The following UNC5A variants were observed in gnomAD, a reference collection of about 807,000 sequenced individuals.
The protein encoded by UNC5A is unc-5 netrin receptor A, also known as netrin receptor UNC5A.
Under a neutral mutation model 87.4 loss-of-function variants are expected in UNC5A, and 20 were observed. The ratio of observed to expected loss-of-function variants is 0.23; its 90% CI spans 0.16 to 0.33. The LOEUF (loss-of-function observed/expected upper bound fraction) is 0.33, where lower values mean the gene tolerates loss of function less well. Among genes scored for constraint, UNC5A ranks in the 10% least tolerant of loss-of-function variants. The probability of loss-of-function intolerance (pLI) is 1.00; values close to 1 mark genes in which losing one functional copy is unlikely to be tolerated. For synonymous variants in UNC5A, 438 were observed against 482.3 expected, an observed-to-expected ratio of 0.91 and a Z score of 1.20; for missense variants, 844 against 1,133.4, an observed-to-expected ratio of 0.74 and a Z score of 3.67.
chr5:176,841,422 G>A lies in UNC5A; in HGVS notation c.71-21202G>A, dbSNP rs557545053. Among the ~76,000 whole-genome samples the A allele has an allele frequency of 6.6e-6, 1 of 152,208 alleles. No individual in the cohort carries two copies. The highest frequency in any genetic ancestry group is 1.5e-5 in the Non-Finnish European group (1 of 68,034). Reference sequence around the variant, plus strand: ...TGAGATGCAGCATAGCAGGGGACTTGGGGCACAGACTGTGGAACCGGGCTG... The same window carrying A: ...TGAGATGCAGCATAGCAGGGGACTTAGGGCACAGACTGTGGAACCGGGCTG... On this transcript the variant is annotated intron_variant, in intron 1 of 14. Coordinates refer to ENST00000329542, the MANE Select transcript of UNC5A (RefSeq NM_133369.3). This position sits in a 1 kb window ranked among gnomAD's most constrained non-coding sequence, Gnocchi z 4.1.
rs557467977 is a variant in UNC5A, at chr5:176,879,908, A to G, written c.*22A>G. ...CTGAGGCCGGCCAGGCCCGACACCT[A>G]CACTCTCACCAGCTTTGGCACCCAC... On this transcript the variant is annotated 3_prime_UTR_variant, in exon 15 of 15. Coordinates refer to ENST00000329542, the MANE Select transcript of UNC5A (RefSeq NM_133369.3). 1 of 1,603,580 alleles carries G rather than the reference A, an allele frequency of 6.2e-7. No individual in the cohort carries two copies. The highest frequency in any genetic ancestry group is 1.3e-5 in the African/African-American group (1 of 74,846).
chr5:176,856,886 T>C (rs1757679977), intron 1 of UNC5A, among the ~76,000 whole-genome samples: 1 of 152,168 alleles, frequency 6.6e-6, no homozygotes, highest in South Asian at 2.1e-4. Flanking sequence ...TAAAGGCCCC[T>C]GGGGTCCAGC....
At chr5:176,868,405 G>C (rs1581273354) in intron 3 of UNC5A, 132 bp downstream of exon 3, 2 of 1,489,590 alleles carry the variant, frequency 1.3e-6, no homozygotes, top group Admixed American at 4.0e-5. Flanking sequence ...AGTGGATAAA[G>C]TGCCTGTGGA....
In UNC5A at chr5:176,868,192, C is replaced by T. The variant is rs571689500; in HGVS notation, c.355C>T (p.Leu119=). The change falls in exon 3 of 15, where the codon CTG becomes TTG. Residue 119 remains leucine (L), a synonymous_variant. Coordinates refer to ENST00000329542, the MANE Select transcript of UNC5A (RefSeq NM_133369.3). ...SRQQVEKVFG[L]EEYWCQCVAW... ...GCAGCAGGTCGAGAAGGTGTTCGGGCTGGAGGAATACTGGTGCCAGTGCGT... is the reference window on the plus strand; with the variant it reads ...GCAGCAGGTCGAGAAGGTGTTCGGGTTGGAGGAATACTGGTGCCAGTGCGT... The T allele has an allele frequency of 1.1e-5, 18 of 1,613,658 alleles. No homozygotes were observed. In the South Asian group the frequency reaches 1.8e-4, roughly 16 times the overall value.
In UNC5A at chr5:176,842,963, A is replaced by G. The variant is rs186346699; in HGVS notation, c.71-19661A>G. On this transcript the variant is annotated intron_variant, in intron 1 of 14. Transcript: ENST00000329542. ...GATCACCTGGGGTCAGGAGTTTGAG[A>G]CAAGCCTGGCCAACATGGCAAACCC... is the stretch of plus-strand genomic sequence containing the variant. Among the ~76,000 whole-genome samples, 221 of 152,242 alleles carry G rather than the reference A, an allele frequency of 1.5e-3. 2 individuals carry two copies. Among genetic ancestry groups the G allele is most frequent in the Admixed American group, 1.5e-3 (23 of 15,288 alleles).
chr5:176,831,885 C>CT lies in UNC5A; in HGVS notation c.70+21094dup, dbSNP rs10580672. Among the ~76,000 whole-genome samples the CT allele has an allele frequency of 4.0e-3, 110 of 27,690 alleles. 5 individuals are homozygous for CT. The highest frequency in any genetic ancestry group is 6.4e-3 in the African/African-American group (105 of 16,526). 18.2% of individuals were successfully genotyped at this position (27,690 alleles called of 152,430 possible). A position where few individuals can be genotyped will look rare whatever the true frequency, so the allele number is the denominator to read the frequency against. On this transcript the variant is annotated intron_variant, in intron 1 of 14. Coordinates refer to ENST00000329542, the MANE Select transcript of UNC5A (RefSeq NM_133369.3). ...TCACTTTCACACACTTTCTCTCTCT[C>CT]TTTTTTTTTTTTTTTTTTTTTTTTT...
chr5:176,832,983 T>C (rs1757064105), intron 1 of UNC5A, among the ~76,000 whole-genome samples: 1 of 152,138 alleles, frequency 6.6e-6, no homozygotes, highest in Non-Finnish European at 1.5e-5. Context: ...GCTCATGCCT[T>C]CTTAAATCCT....
rs73340073 is a variant in UNC5A at position 176,828,564 on chromosome 5, A to G, written c.70+17744A>G. ...CTGGGTTGTTTGGCCTCACTCAAAT[A>G]TCGCCTCCTCAGCGAGGTTCCCCCT... On this transcript the variant is annotated intron_variant, in intron 1 of 14. Coordinates refer to ENST00000329542, the MANE Select transcript of UNC5A (RefSeq NM_133369.3). Among the ~76,000 whole-genome samples, 682 of 152,300 alleles carry G rather than the reference A, an allele frequency of 4.5e-3. 4 individuals are homozygous for G. The highest frequency in any genetic ancestry group is 0.015 in the African/African-American group (636 of 41,546).
chr5:176,852,043 G>A (rs976783160), intron 1 of UNC5A, among the ~76,000 whole-genome samples: 6 of 152,188 alleles, frequency 3.9e-5, no homozygotes, highest in East Asian at 1.9e-4. Flanking sequence ...TGCCTCTGTC[G>A]TGTTCCCAGC....
intron 1 of UNC5A, among the ~76,000 whole-genome samples, chr5:176,846,620 G>A (rs1239974060): frequency 6.6e-6 from 1 of 152,112 alleles, no homozygotes; most frequent in East Asian, 1.9e-4. Flanking sequence ...CTGACTTTGG[G>A]CGGTAACCTT....
intron 2 of UNC5A, chr5:176,864,896 C>G: frequency 2.2e-6 from 1 of 451,274 alleles, no homozygotes; most frequent in Admixed American, 2.4e-5. Context: ...GAGCCTCTCC[C>G]GGCCCCAGCG....
chr5:176,818,260 G>A (rs1206892948), intron 1 of UNC5A, among the ~76,000 whole-genome samples: 1 of 152,190 alleles, frequency 6.6e-6, no homozygotes, highest in Non-Finnish European at 1.5e-5. Context: ...CCTGCAGGCC[G>A]GGGCTTCCGA....
rs568935170 is a variant in UNC5A, at chr5:176,869,262, C to T, written c.721+298C>T. Among the ~76,000 whole-genome samples, 1 of 152,216 alleles carries T rather than the reference C, an allele frequency of 6.6e-6. No individual in the cohort carries two copies. The highest frequency in any genetic ancestry group is 2.4e-5 in the African/African-American group (1 of 41,550). On this transcript the variant is annotated intron_variant, in intron 5 of 14. Coordinates refer to ENST00000329542, the MANE Select transcript of UNC5A (RefSeq NM_133369.3). This position sits in a 1 kb window ranked among gnomAD's most constrained non-coding sequence, Gnocchi z 9.1. ...CAGGCTGTCCCCACTCCTGAGTCTC[C>T]AAGGGGGGAATCAGAAGCCACACAG...
At chr5:176,859,979 T>C (rs1423458698) in intron 1 of UNC5A, among the ~76,000 whole-genome samples, 2 of 152,224 alleles carry the variant, frequency 1.3e-5, no homozygotes, top group East Asian at 3.8e-4. Context: ...TCATTAGCAG[T>C]TAAATGCAGA....
At position 176,844,310 on chromosome 5, in the gene UNC5A, A is replaced by G. The variant is rs1348195469; in HGVS notation, c.71-18314A>G. On this transcript the variant is annotated intron_variant, in intron 1 of 14. Coordinates refer to ENST00000329542, the MANE Select transcript of UNC5A (RefSeq NM_133369.3). The surrounding 1 kb of genome is among the most constrained non-coding windows in gnomAD (Gnocchi z 4.2). Reference sequence around the variant, plus strand: ...TCTCTTGGTGGGTGTGGCACAGCTGAGGAAGCCCCACCGCTGGAGTCCCAG... The same window carrying G: ...TCTCTTGGTGGGTGTGGCACAGCTGGGGAAGCCCCACCGCTGGAGTCCCAG... Among the ~76,000 whole-genome samples, 1 of 152,068 alleles carries G rather than the reference A, an allele frequency of 6.6e-6. No homozygotes were observed. The highest frequency in any genetic ancestry group is 1.5e-5 in the Non-Finnish European group (1 of 67,986).
intron 1 of UNC5A, among the ~76,000 whole-genome samples, chr5:176,836,718 C>A (rs1188489617): frequency 6.6e-6 from 1 of 152,104 alleles, no homozygotes; most frequent in Non-Finnish European, 1.5e-5. Flanking sequence ...CAGAGCGAAC[C>A]GCTCCCCCAG....
Position 176,852,786 on chromosome 5 carries a change from G to A in UNC5A, c.71-9838G>A, listed in dbSNP as rs61520153. Among the ~76,000 whole-genome samples, 116 of 152,372 alleles carry A rather than the reference G, an allele frequency of 7.6e-4. 3 individuals carry two copies. The East Asian group carries it at 0.018, about 24-fold the overall frequency. On this transcript the variant is annotated intron_variant, in intron 1 of 14. Transcript: ENST00000329542. ...AGCGATGGCAACAGTGTCACACTAAGTGTGGGAAGGCCCAAGCCAGTTCAC... is the reference window on the plus strand; with the variant it reads ...AGCGATGGCAACAGTGTCACACTAAATGTGGGAAGGCCCAAGCCAGTTCAC...
chr5:176,867,844 G>C (rs999571717), intron 2 of UNC5A, among the ~76,000 whole-genome samples: 1 of 151,976 alleles, frequency 6.6e-6, no homozygotes, highest in African/African-American at 2.4e-5. Context: ...AAGTGACTCC[G>C]GGGAGTCAGG....
At position 176,874,874 on chromosome 5, in the gene UNC5A, C is replaced by T. The variant is rs1206935382; in HGVS notation, c.1378+308C>T. Among the ~76,000 whole-genome samples, 2 of 152,216 alleles carry T rather than the reference C, an allele frequency of 1.3e-5. No homozygotes were observed. The highest frequency in any genetic ancestry group is 2.9e-5 in the Non-Finnish European group (2 of 68,034). On this transcript the variant is annotated intron_variant, in intron 8 of 14. Transcript: ENST00000329542. The surrounding 1 kb of genome is among the most constrained non-coding windows in gnomAD (Gnocchi z 7.6). The stretch of plus-strand genomic sequence containing the variant: ...AGCCCCGGCCCCAAGGAGCTTGCAA[C>T]TGAGCAGGGAGACAACCAAGGGCAA...
Sources: gnomAD v4.1 joint callset for allele counts (sites outside exome capture counted in the v4.1 genomes callset) on GRCh38, gnomAD v4.1.1 for gene constraint, Gnocchi (gnomAD v3.1) non-coding constraint, MANE v1.5 for transcripts, NCBI Gene and HGNC (gene_info 2026-07-23, HGNC 2026-07-21) for gene names.